ZNF184: variants seen among roughly 807,000 people sequenced by gnomAD.
ZNF184 encodes the protein zinc finger protein 184 (Kruppel-like).
ZNF184 carries 16 observed loss-of-function variants against 54.4 expected under a neutral mutation model. That is an observed-to-expected ratio of 0.29 (90% CI 0.20 to 0.45). ZNF184 has a LOEUF of 0.45. Among genes scored for constraint, ZNF184 ranks in the 20% least tolerant of loss-of-function variants. The probability of loss-of-function intolerance (pLI) is 1.00; values close to 1 mark genes in which losing one functional copy is unlikely to be tolerated. For synonymous variants in ZNF184, 254 were observed against 295.3 expected, an observed-to-expected ratio of 0.86 and a Z score of 1.43; for missense variants, 681 against 888.2, an observed-to-expected ratio of 0.77 and a Z score of 2.97.
chr6:27,469,788 T>G (rs1264695356), intron 2 of ZNF184, among the ~76,000 whole-genome samples: 2 of 152,022 alleles, frequency 1.3e-5, no homozygotes, highest in Non-Finnish European at 2.9e-5. Context: ...ATGTGTGAGA[T>G]AGTGGCAATA....
chr6:27,472,335 G>T lies in ZNF184; in HGVS notation c.-41C>A. ...CGTTCCTCTGGAACTTGAACACCAG[G>T]GTTCGCCAGGCAGCGTTCCTTCAGC... On this transcript the variant is annotated 5_prime_UTR_variant, in exon 2 of 6. Coordinates refer to ENST00000683788, the MANE Select transcript of ZNF184 (RefSeq NM_001318891.2). The surrounding 1 kb of genome is among the most constrained non-coding windows in gnomAD (Gnocchi z 4.8). The T allele has an allele frequency of 6.2e-7, 1 of 1,613,866 alleles. No individual in the cohort carries two copies. The highest frequency in any genetic ancestry group is 8.5e-7 in the Non-Finnish European group (1 of 1,179,892).
chr6:27,443,095 A>G, the ZNF184 span, among the ~76,000 whole-genome samples: 1 of 152,222 alleles, frequency 6.6e-6, no homozygotes, highest in Non-Finnish European at 1.5e-5. Flanking sequence ...AATTCACAAG[A>G]AAATACATTA....
In ZNF184 at chr6:27,471,435, C is replaced by T. The variant is rs1763272383; in HGVS notation, c.7+853G>A. 2.0e-5 allele frequency among the ~76,000 whole-genome samples: 3 copies of T among 152,170 alleles called. No homozygotes were observed. The South Asian group carries it at 6.2e-4, about 31-fold the overall frequency. On this transcript the variant is annotated intron_variant, in intron 2 of 5. Coordinates refer to ENST00000683788, the MANE Select transcript of ZNF184 (RefSeq NM_001318891.2). The stretch of plus-strand genomic sequence containing the variant: ...TTATGTAAAAAAGATCTAAAGTTTA[C>T]AGTACATCACTGATAGTTTTTAAAG...
downstream of ZNF184, among the ~76,000 whole-genome samples, chr6:27,447,072 CAAAAAAA>C (rs1321698681): frequency 3.1e-5 from 1 of 32,020 alleles, no homozygotes; most frequent in Non-Finnish European, 1.2e-4. Flanking sequence ...CCACTGCAAT[CAAAAAAA>C]AAAAAAAAAA....
At chr6:27,463,133 G>A in intron 3 of ZNF184, among the ~76,000 whole-genome samples, 2 of 116,948 alleles carry the variant, frequency 1.7e-5, no homozygotes, top group African/African-American at 3.2e-5. Flanking sequence ...TGTGGGGTGG[G>A]GGGAGGGGGG....
chr6:27,424,745 A>G, the ZNF184 span, among the ~76,000 whole-genome samples: 85 of 152,380 alleles, frequency 5.6e-4, no homozygotes, highest in Middle Eastern at 3.4e-3. Context: ...CACCAGATTC[A>G]GGAGCCCAGC....
intron 2 of ZNF184, among the ~76,000 whole-genome samples, chr6:27,471,786 A>G (rs992151938): frequency 1.3e-5 from 2 of 152,242 alleles, no homozygotes; most frequent in Non-Finnish European, 2.9e-5. Context: ...AAGAACTAAG[A>G]TCAACACAAA....
At chr6:27,405,080 A>G in the ZNF184 span, 1 of 152,126 alleles carries the variant, frequency 6.6e-6, no homozygotes, top group African/African-American at 2.4e-5. Context: ...TTGTGTATTT[A>G]CCTTACTTTT....
At chr6:27,409,896 G>A in the ZNF184 span, among the ~76,000 whole-genome samples, 1 of 152,132 alleles carries the variant, frequency 6.6e-6, no homozygotes. Flanking sequence ...CTATTCACAG[G>A]AAGTGCCCCA....
chr6:27,452,296 A>C lies in ZNF184; in HGVS notation c.1263T>G (p.Asn421Lys), dbSNP rs368165930. 2.5e-6 allele frequency: 4 copies of C among 1,614,052 alleles called. No individual in the cohort carries two copies. The highest frequency in any genetic ancestry group is 3.4e-6 in the Non-Finnish European group (4 of 1,180,006). Residue 421 changes from asparagine (N) to lysine (K), a missense_variant, in exon 6 of 6, where the codon AAT (asparagine) becomes AAG (lysine). Physicochemically the swap from Asn to Lys is moderately conservative, Grantham distance 94. Transcript: ENST00000683788. The surrounding 1 kb of genome is among the most constrained non-coding windows in gnomAD (Gnocchi z 5.5). ...IHTGEKPYEC[N>K]ECGKAFSQHS... ...GCTGGCTGAAGGCTTTCCCACATTCATTGCATTCGTACGGTTTTTCACCAG... is the reference window on the plus strand; with the variant it reads ...GCTGGCTGAAGGCTTTCCCACATTCCTTGCATTCGTACGGTTTTTCACCAG...
At position 27,456,924 on chromosome 6, in the gene ZNF184, G is replaced by A; in HGVS notation, c.203-3C>T. 1 of 1,611,862 alleles carries A rather than the reference G, an allele frequency of 6.2e-7. No homozygotes were observed. The stretch of plus-strand genomic sequence containing the variant: ...ATCAGGTTTAGAAACTTGGAGTCCT[G>A]TTCATTAGGGAAAAAAAGAAAGAAA... On this transcript the variant is annotated splice_polypyrimidine_tract_variant and splice_region_variant and intron_variant, in intron 4 of 5. Transcript: ENST00000683788.
chr6:27,419,399 C>T, the ZNF184 span, among the ~76,000 whole-genome samples: 1 of 152,216 alleles, frequency 6.6e-6, no homozygotes, highest in Non-Finnish European at 1.5e-5. The surrounding 1 kb of genome is among the most constrained non-coding windows in gnomAD (Gnocchi z 4.8). Flanking sequence ...TGAGCCACCA[C>T]ACCCAGAGTT....
chr6:27,422,249 C>A, the ZNF184 span, among the ~76,000 whole-genome samples: 6 of 146,604 alleles, frequency 4.1e-5, no homozygotes, highest in Non-Finnish European at 4.5e-5. Flanking sequence ...CACACTGGCA[C>A]ATACAGCAGA....
the ZNF184 span, among the ~76,000 whole-genome samples, chr6:27,442,414 G>T: frequency 2.0e-5 from 3 of 152,058 alleles, no homozygotes; most frequent in African/African-American, 7.2e-5. Flanking sequence ...GAAGCCAGGA[G>T]TTCCAGACCA....
At chr6:27,471,121 A>C (rs1763264138) in intron 2 of ZNF184, among the ~76,000 whole-genome samples, 2 of 152,234 alleles carry the variant, frequency 1.3e-5, no homozygotes, top group Admixed American at 1.3e-4. Context: ...TGTAAAGACA[A>C]CACCAATGCA....
chr6:27,405,959 C>T, the ZNF184 span: 1 of 152,202 alleles, frequency 6.6e-6, no homozygotes, highest in Non-Finnish European at 1.5e-5. Flanking sequence ...ACCCAGAGGG[C>T]TTATGTCATC....
At chr6:27,457,849 A>G (rs1762899515) in intron 3 of ZNF184, among the ~76,000 whole-genome samples, 4 of 152,242 alleles carry the variant, frequency 2.6e-5, no homozygotes, top group Admixed American at 2.0e-4. Context: ...AAAGTAATTT[A>G]AAAATGGCCT....
Position 27,472,520 on chromosome 6 carries a change from A to C in ZNF184, c.-139-87T>G. 1 of 565,154 alleles carries C rather than the reference A, an allele frequency of 1.8e-6. No individual in the cohort carries two copies. The highest frequency in any genetic ancestry group is 3.2e-6 in the Non-Finnish European group (1 of 313,180). The allele number at this position is 565,154 out of a possible 1,614,324, so 35.0% of individuals were successfully genotyped here. A position where few individuals can be genotyped will look rare whatever the true frequency, so the allele number is the denominator to read the frequency against. ...AAGTGACCAAGAGGTGCTACACAAG[A>C]GAAGTGCCCCAAGAGAGCACTAGAG... On this transcript the variant is annotated intron_variant, in intron 1 of 5. Transcript: ENST00000683788. This position sits in a 1 kb window ranked among gnomAD's most constrained non-coding sequence, Gnocchi z 4.8.
chr6:27,432,241 A>G, the ZNF184 span, among the ~76,000 whole-genome samples: 1 of 152,324 alleles, frequency 6.6e-6, no homozygotes, highest in African/African-American at 2.4e-5. This position sits in a 1 kb window ranked among gnomAD's most constrained non-coding sequence, Gnocchi z 4.0. Flanking sequence ...AATTACAGGT[A>G]GTTTCTGCAT....
Sources: gnomAD v4.1 joint callset for allele counts (sites outside exome capture counted in the v4.1 genomes callset) on GRCh38, gnomAD v4.1.1 for gene constraint, Gnocchi (gnomAD v3.1) non-coding constraint, MANE v1.5 for transcripts, NCBI Gene and HGNC (gene_info 2026-07-23, HGNC 2026-07-21) for gene names.